THRB: variants seen among roughly 807,000 people sequenced by gnomAD.
THRB encodes the protein nuclear receptor subfamily 1 group A member 2.
In THRB, 12 loss-of-function variants were observed where a neutral mutation model predicts 47.8. That is an observed-to-expected ratio of 0.25 (90% CI 0.16 to 0.41). THRB has a LOEUF of 0.41. THRB is among the 10% of genes least tolerant of loss of function. The probability of loss-of-function intolerance (pLI) is 1.00; values close to 1 mark genes in which losing one functional copy is unlikely to be tolerated. For synonymous variants in THRB, 218 were observed against 212.2 expected, an observed-to-expected ratio of 1.03 and a Z score of -0.24; for missense variants, 348 against 589.2, an observed-to-expected ratio of 0.59 and a Z score of 4.24.
intron 3 of THRB, among the ~76,000 whole-genome samples, chr3:24,289,038 T>C (rs2055639739): frequency 6.6e-6 from 1 of 152,186 alleles, no homozygotes; most frequent in African/African-American, 2.4e-5. Context: ...TCCAGAGTGC[T>C]GGCTAAGAAG....
At chr3:24,319,765 AG>A (rs1332281519) in intron 2 of THRB, among the ~76,000 whole-genome samples, 2 of 152,254 alleles carry the variant, frequency 1.3e-5, no homozygotes, top group African/African-American at 2.4e-5. Flanking sequence ...GACGAGTAGA[AG>A]GGACAAAACA....
At chr3:24,203,926 G>C (rs183058073) in intron 4 of THRB, among the ~76,000 whole-genome samples, 1 of 152,364 alleles carries the variant, frequency 6.6e-6, no homozygotes, top group East Asian at 1.9e-4. Context: ...AGCAGTCTGA[G>C]ATCAAACTGC....
chr3:24,137,363 G>A (rs533382634), intron 8 of THRB, among the ~76,000 whole-genome samples: 1 of 152,308 alleles, frequency 6.6e-6, no homozygotes, highest in South Asian at 2.1e-4. Context: ...ACCTTGCATT[G>A]TAGTGAGGGG....
intron 1 of THRB, among the ~76,000 whole-genome samples, chr3:24,353,778 GTTTT>G (rs1226598050): frequency 3.9e-5 from 6 of 152,138 alleles, no homozygotes; most frequent in Admixed American, 3.9e-4. Context: ...AAATAGGTTT[GTTTT>G]TTATCTCTTA....
intron 3 of THRB, among the ~76,000 whole-genome samples, chr3:24,286,207 A>C (rs1410011348): frequency 6.6e-6 from 1 of 152,178 alleles, no homozygotes; most frequent in African/African-American, 2.4e-5. Context: ...TAAGCAACCT[A>C]ATCTATGATA....
rs115278768 is a variant in THRB, at chr3:24,438,721, T to C, written c.-261+55931A>G. Among the ~76,000 whole-genome samples, 772 of 152,224 alleles carry C rather than the reference T, an allele frequency of 5.1e-3. 9 individuals carry two copies. The highest frequency in any genetic ancestry group is 0.018 in the African/African-American group (740 of 41,530). On this transcript the variant is annotated intron_variant, in intron 1 of 10. Coordinates refer to ENST00000646209, the MANE Select transcript of THRB (RefSeq NM_001354712.2). ...GCAAAATTACTTCTTTACTTAGTTA[T>C]AAAGGAGTGGTATCTTGGCCCTCTA...
intron 1 of THRB, chr3:24,458,189 G>T (rs2073363563): frequency 6.6e-6 from 1 of 152,112 alleles, no homozygotes; most frequent in Admixed American, 6.5e-5. Flanking sequence ...GATAATACCT[G>T]CCAGACAAAT....
chr3:24,223,339 TA>T (rs1197883870), intron 4 of THRB, among the ~76,000 whole-genome samples: 1 of 152,174 alleles, frequency 6.6e-6, no homozygotes, highest in East Asian at 1.9e-4. Context: ...CATGTTGAAA[TA>T]AAAGTGCTAA....
chr3:24,230,166 C>T (rs9874037), intron 3 of THRB, among the ~76,000 whole-genome samples: 14,258 of 152,208 alleles, frequency 0.094, 726 homozygotes, highest in African/African-American at 0.11. Context: ...TATACATAGC[C>T]ATTCATGCTC....
At chr3:24,380,139 G>A (rs1431885593) in intron 1 of THRB, among the ~76,000 whole-genome samples, 1 of 147,114 alleles carries the variant, frequency 6.8e-6, no homozygotes, top group Non-Finnish European at 1.5e-5. Context: ...AAACTTGATT[G>A]TCCTGGCACA....
intron 1 of THRB, among the ~76,000 whole-genome samples, chr3:24,440,174 T>C (rs1408656178): frequency 6.6e-6 from 1 of 152,234 alleles, no homozygotes; most frequent in Non-Finnish European, 1.5e-5. Flanking sequence ...TAGGCTTTCA[T>C]ACTTGTTCAA....
intron 9 of THRB, among the ~76,000 whole-genome samples, chr3:24,132,120 G>A (rs1474673682): frequency 1.3e-5 from 2 of 152,292 alleles, no homozygotes; most frequent in East Asian, 3.9e-4. Context: ...ACAGAAGAGA[G>A]CTGGAAGCCA....
At chr3:24,417,334 G>A (rs1286640571) in intron 1 of THRB, among the ~76,000 whole-genome samples, 2 of 151,928 alleles carry the variant, frequency 1.3e-5, no homozygotes, top group East Asian at 3.9e-4. Flanking sequence ...CACTGTTCCT[G>A]TCTGGGCTTC....
In THRB at chr3:24,177,947, C is replaced by T. The variant is rs78614671; in HGVS notation, c.283+12127G>A. On this transcript the variant is annotated intron_variant, in intron 5 of 10. Coordinates refer to ENST00000646209, the MANE Select transcript of THRB (RefSeq NM_001354712.2). ...GTGGCTGTGTCTTTTTTTTAATCTT[C>T]AGAAAAGTCTTCAGACCGTGGACAA... Among the ~76,000 whole-genome samples the T allele has an allele frequency of 5.1e-3, 783 of 152,052 alleles. 11 individuals are homozygous for T. Among genetic ancestry groups the T allele is most frequent in the African/African-American group, 0.018 (738 of 41,508 alleles).
intron 1 of THRB, among the ~76,000 whole-genome samples, chr3:24,419,419 G>T (rs1325487993): frequency 6.6e-6 from 1 of 151,794 alleles, no homozygotes; most frequent in African/African-American, 2.4e-5. Context: ...CCTCTCTCCA[G>T]ATGGAAAGCC....
At chr3:24,130,465 G>C (rs2033678251) in intron 9 of THRB, among the ~76,000 whole-genome samples, 1 of 152,130 alleles carries the variant, frequency 6.6e-6, no homozygotes, top group Non-Finnish European at 1.5e-5. Context: ...TGGGGGGGCG[G>C]TGGCATTCAA....
chr3:24,347,326 A>C (rs1453456100), intron 1 of THRB, among the ~76,000 whole-genome samples: 1 of 152,002 alleles, frequency 6.6e-6, no homozygotes, highest in Non-Finnish European at 1.5e-5. Context: ...TCAATGATTT[A>C]AGTATCCATT....
At chr3:24,159,486 A>T (rs2038424611) in intron 5 of THRB, among the ~76,000 whole-genome samples, 1 of 152,252 alleles carries the variant, frequency 6.6e-6, no homozygotes, top group Non-Finnish European at 1.5e-5. Context: ...ATATATGGTT[A>T]TGTAGGTTCA....
intron 1 of THRB, among the ~76,000 whole-genome samples, chr3:24,479,747 G>A (rs1696086521): frequency 6.6e-6 from 1 of 152,146 alleles, no homozygotes; most frequent in African/African-American, 2.4e-5. Context: ...GGAAGTCGGG[G>A]TTACAGGCTG....
Sources: allele counts gnomAD v4.1 joint callset (sites outside exome capture counted in the v4.1 genomes callset), GRCh38; gene constraint gnomAD v4.1.1; transcripts MANE v1.5; gene names NCBI Gene and HGNC (gene_info 2026-07-23, HGNC 2026-07-21).